The following ZNF184 variants were observed in gnomAD, a reference collection of about 807,000 sequenced individuals.
ZNF184 encodes the protein zinc finger protein 184 (Kruppel-like).
A neutral mutation model predicts 54.4 loss-of-function variants in ZNF184; 16 were observed. The observed-to-expected ratio is 0.29, with a 90% confidence interval of 0.20 to 0.45. The LOEUF is 0.45. ZNF184 is among the 20% of genes least tolerant of loss of function. ZNF184 has a pLI of 1.00. For synonymous variants in ZNF184, 254 were observed against 295.3 expected, an observed-to-expected ratio of 0.86 and a Z score of 1.43; for missense variants, 681 against 888.2, an observed-to-expected ratio of 0.77 and a Z score of 2.97.
the ZNF184 span, among the ~76,000 whole-genome samples, chr6:27,419,527 C>CAGAT: frequency 0.11 from 15,739 of 149,030 alleles, 896 homozygotes; most frequent in African/African-American, 0.16. The surrounding 1 kb of genome is among the most constrained non-coding windows in gnomAD (Gnocchi z 4.8). Flanking sequence ...TTTCAATATT[C>CAGAT]AGATAGATAG....
downstream of ZNF184, among the ~76,000 whole-genome samples, chr6:27,450,246 T>C (rs1188285846): frequency 6.6e-6 from 1 of 152,164 alleles, no homozygotes; most frequent in Non-Finnish European, 1.5e-5. Flanking sequence ...TCTCTGGAGT[T>C]GTAGGGCCTT....
intron 3 of ZNF184, among the ~76,000 whole-genome samples, chr6:27,457,739 T>C (rs983282228): frequency 1.3e-5 from 2 of 152,230 alleles, no homozygotes; most frequent in African/African-American, 4.8e-5. Context: ...GGTTTAACTA[T>C]TATCATCAAT....
the ZNF184 span, chr6:27,405,491 T>G: frequency 6.6e-6 from 1 of 152,244 alleles, no homozygotes; most frequent in Non-Finnish European, 1.5e-5. Flanking sequence ...AAGAACACCC[T>G]TTCTAACAGT....
the ZNF184 span, among the ~76,000 whole-genome samples, chr6:27,420,689 T>C: frequency 1.3e-5 from 2 of 152,236 alleles, no homozygotes; most frequent in African/African-American, 4.8e-5. Context: ...CTGTCATTCA[T>C]TGCCGGTAGA....
At chr6:27,470,569 T>C (rs1012811822) in intron 2 of ZNF184, among the ~76,000 whole-genome samples, 2 of 152,172 alleles carry the variant, frequency 1.3e-5, no homozygotes, top group Non-Finnish European at 2.9e-5. Flanking sequence ...AGATATTATC[T>C]TGGAAGCTCT....
the ZNF184 span, among the ~76,000 whole-genome samples, chr6:27,407,408 G>C: frequency 6.6e-6 from 1 of 152,082 alleles, no homozygotes; most frequent in Non-Finnish European, 1.5e-5. Flanking sequence ...TCTCTCTATG[G>C]GCACGAGCTG....
the ZNF184 span, among the ~76,000 whole-genome samples, chr6:27,422,871 T>C: frequency 2.0e-5 from 3 of 152,174 alleles, no homozygotes; most frequent in East Asian, 3.9e-4. Flanking sequence ...CAGCACCCGG[T>C]TATACACAGC....
At chr6:27,433,311 T>A in the ZNF184 span, among the ~76,000 whole-genome samples, 1 of 152,236 alleles carries the variant, frequency 6.6e-6, no homozygotes, top group African/African-American at 2.4e-5. Context: ...CTCCATCACA[T>A]TACCCTATTT....
chr6:27,434,748 ATTTTCTTG>A, the ZNF184 span, among the ~76,000 whole-genome samples: 1 of 151,846 alleles, frequency 6.6e-6, no homozygotes, highest in Non-Finnish European at 1.5e-5. Context: ...TGTCATGAAG[ATTTTCTTG>A]TAGGGGTTAT....
the ZNF184 span, among the ~76,000 whole-genome samples, chr6:27,439,339 A>G: frequency 6.6e-6 from 1 of 152,216 alleles, no homozygotes; most frequent in Non-Finnish European, 1.5e-5. Context: ...CAATTTGTAA[A>G]TTTAAAATTG....
chr6:27,452,411 AT>A lies in ZNF184; in HGVS notation c.1147del (p.Ile383PhefsTer28). The A allele has an allele frequency of 1.2e-6, 2 of 1,613,932 alleles. No individual in the cohort carries two copies. The highest frequency in any genetic ancestry group is 1.7e-6 in the Non-Finnish European group (2 of 1,179,970). On this transcript the variant is annotated frameshift_variant, in exon 6 of 6. Coordinates refer to ENST00000683788, the MANE Select transcript of ZNF184 (RefSeq NM_001318891.2). LOFTEE classifies it high-confidence loss of function. This position sits in a 1 kb window ranked among gnomAD's most constrained non-coding sequence, Gnocchi z 5.5. The part of the protein sequence containing the change: ...RSTHLTQHQK[I>X]HTGEKTYKCN... ...TTTATAGGTTTTTTCTCCAGTATGA[AT>A]TTTTTGATGTTGAGTAAGGTGTGTG...
At chr6:27,422,780 C>T in the ZNF184 span, among the ~76,000 whole-genome samples, 1 of 152,176 alleles carries the variant, frequency 6.6e-6, no homozygotes, top group Admixed American at 6.5e-5. Flanking sequence ...AAACCCGATA[C>T]ACTGAGCTGC....
At chr6:27,422,825 T>A in the ZNF184 span, among the ~76,000 whole-genome samples, 1 of 152,180 alleles carries the variant, frequency 6.6e-6, no homozygotes, top group Non-Finnish European at 1.5e-5. Flanking sequence ...GCTCCAAACC[T>A]AGTTTCAGAG....
chr6:27,420,889 A>G, the ZNF184 span, among the ~76,000 whole-genome samples: 1 of 152,270 alleles, frequency 6.6e-6, no homozygotes, highest in Non-Finnish European at 1.5e-5. Context: ...GTACATCCAG[A>G]CAATGGAAGA....
chr6:27,466,975 A>G (rs1019211834), intron 3 of ZNF184, among the ~76,000 whole-genome samples: 1 of 152,204 alleles, frequency 6.6e-6, no homozygotes, highest in East Asian at 1.9e-4. Flanking sequence ...ACTTCATTCA[A>G]TCATTTGTGT....
the ZNF184 span, among the ~76,000 whole-genome samples, chr6:27,438,367 A>C: frequency 1.3e-5 from 2 of 152,252 alleles, no homozygotes; most frequent in Admixed American, 1.3e-4. Context: ...GAAAAACTAC[A>C]GGAAAAGGAA....
the ZNF184 span, among the ~76,000 whole-genome samples, chr6:27,439,954 A>G: frequency 6.6e-6 from 1 of 152,156 alleles, no homozygotes; most frequent in African/African-American, 2.4e-5. Flanking sequence ...TTATTAGGAG[A>G]TGAAACTGAC....
rs923242408 is a variant in ZNF184, at chr6:27,472,273, A to G, written c.7+15T>C. 3.7e-6 allele frequency: 6 copies of G among 1,613,930 alleles called. No homozygotes were observed. The highest frequency in any genetic ancestry group is 1.7e-5 in the Admixed American group (1 of 59,994). On this transcript the variant is annotated intron_variant, in intron 2 of 5. Coordinates refer to ENST00000683788, the MANE Select transcript of ZNF184 (RefSeq NM_001318891.2). The surrounding 1 kb of genome is among the most constrained non-coding windows in gnomAD (Gnocchi z 4.8). ...GCCTCCATCACCCCGCTCTCCCCCAAGTCGACCCCACTACCTTCCATCTCA... is the reference window on the plus strand; with the variant it reads ...GCCTCCATCACCCCGCTCTCCCCCAGGTCGACCCCACTACCTTCCATCTCA...
the ZNF184 span, chr6:27,405,607 A>G: frequency 1.3e-5 from 2 of 152,220 alleles, no homozygotes; most frequent in African/African-American, 4.8e-5. Flanking sequence ...ACTTATACTT[A>G]GCGTACTCCA....
Sources: gnomAD v4.1 joint callset for allele counts (sites outside exome capture counted in the v4.1 genomes callset) on GRCh38, gnomAD v4.1.1 for gene constraint, Gnocchi (gnomAD v3.1) non-coding constraint, MANE v1.5 for transcripts, NCBI Gene and HGNC (gene_info 2026-07-23, HGNC 2026-07-21) for gene names.